Variants in ATRIP observed in about 807,000 individuals in gnomAD.
ATRIP encodes the protein ATR interacting protein, also known as ATR-interacting protein.
In ATRIP, 44 loss-of-function variants were observed where a neutral mutation model predicts 78.1. That is an observed-to-expected ratio of 0.56 (90% CI 0.44 to 0.72). ATRIP has a LOEUF of 0.72. ATRIP is among the 30% of genes least tolerant of loss of function. The pLI is 0.00. For missense variants in ATRIP, 927 were observed against 980.2 expected, an observed-to-expected ratio of 0.95 and a Z score of 0.72; for synonymous variants, 388 against 408.9, an observed-to-expected ratio of 0.95 and a Z score of 0.62.
chr3:48,452,320 C>T (rs1340239483), intron 3 of ATRIP, among the ~76,000 whole-genome samples: 1 of 152,090 alleles, frequency 6.6e-6, no homozygotes, highest in Non-Finnish European at 1.5e-5. Context: ...TATAAACAGG[C>T]TCTATACTTA....
chr3:48,459,736 C>T (rs899721473), intron 6 of ATRIP, 51 bp from the exon 7 acceptor site: 7 of 1,592,332 alleles, frequency 4.4e-6, no homozygotes, highest in Non-Finnish European at 3.4e-6. Flanking sequence ...TGAAAGCCAC[C>T]GAAAAGATCT....
In ATRIP at chr3:48,447,010, C is replaced by T; in HGVS notation, c.165C>T (p.Phe55=). The T allele has an allele frequency of 2.5e-6, 4 of 1,581,508 alleles. No homozygotes were observed. Among genetic ancestry groups the T allele is most frequent in the Non-Finnish European group, 2.6e-6 (3 of 1,166,752 alleles). Residue 55 remains phenylalanine (F), a synonymous_variant, in exon 1 of 13, where the codon TTC becomes TTT. Transcript: ENST00000320211. The stretch of plus-strand genomic sequence containing the variant: ...ACCCGTTCGGCGCGCATGGGGACTT[C>T]ACTGCCGACGACCTGGAGGAGCTTG... ...PDDPFGAHGD[F]TADDLEELDT...
intron 1 of ATRIP, among the ~76,000 whole-genome samples, chr3:48,447,911 T>TAC (rs1486310309): frequency 1.3e-5 from 2 of 152,234 alleles, no homozygotes; most frequent in Non-Finnish European, 2.9e-5. Context: ...TCCTTGACTC[T>TAC]ACATCTAATT....
chr3:48,460,554 G>T lies in ATRIP; in HGVS notation c.1500G>T (p.Val500=). The T allele has an allele frequency of 1.2e-6, 2 of 1,614,194 alleles. No homozygotes were observed. Among genetic ancestry groups the T allele is most frequent in the Admixed American group, 1.7e-5 (1 of 60,018 alleles). Residue 500 remains valine, a synonymous_variant, in exon 8 of 13, where the codon GTG becomes GTT. Coordinates refer to ENST00000320211, the MANE Select transcript of ATRIP (RefSeq NM_130384.3). ...GAVVSLLLSG[V]GADSAAGEGN... ...TCGTCTCCCTATTACTGTCAGGAGTGGGGGCAGATTCTGCTGCTGGGGAAG... is the reference window on the plus strand; with the variant it reads ...TCGTCTCCCTATTACTGTCAGGAGTTGGGGCAGATTCTGCTGCTGGGGAAG...
Position 48,446,769 on chromosome 3 carries a change from C to A in ATRIP, c.-77C>A. On this transcript the variant is annotated 5_prime_UTR_variant, in exon 1 of 13. Transcript: ENST00000320211. ...GCGGAGGCAAGCGGCGGCGCGCGGA[C>A]GGTTGGTCCAGTTCTCCGGCCTGGC... is the stretch of plus-strand genomic sequence containing the variant. The A allele has an allele frequency of 7.5e-7, 1 of 1,331,572 alleles. No homozygotes were observed. The highest frequency in any genetic ancestry group is 2.9e-5 in the East Asian group (1 of 34,940). The allele number at this position is 1,331,572 out of a possible 1,614,324, so 82.5% of individuals were successfully genotyped here.
At chr3:48,452,254 G>T (rs574707870) in intron 3 of ATRIP, among the ~76,000 whole-genome samples, 1 of 152,328 alleles carries the variant, frequency 6.6e-6, no homozygotes, top group East Asian at 1.9e-4. Flanking sequence ...AAGAACCGGG[G>T]TATGCTGGGA....
chr3:48,449,770 CAAA>C (rs779657943), intron 1 of ATRIP, among the ~76,000 whole-genome samples: 2 of 43,314 alleles, frequency 4.6e-5, no homozygotes, highest in African/African-American at 7.7e-5. Flanking sequence ...TACTAAAATC[CAAA>C]AAAAAAAAAA....
At chr3:48,463,377 CCTT>C (rs758678024) in intron 8 of ATRIP, among the ~76,000 whole-genome samples, 2 of 152,094 alleles carry the variant, frequency 1.3e-5, no homozygotes, top group South Asian at 2.1e-4. Flanking sequence ...CCTGGTCAGT[CCTT>C]CTGTGGGCAC....
chr3:48,465,103 T>A lies in ATRIP; in HGVS notation c.2308+20T>A. ...GTGAAGGTAAGCCTGCCAGAGGCCA[T>A]CCTGCCCAGCCCCCATGGCTTCTTC... On this transcript the variant is annotated intron_variant, in intron 12 of 12. Transcript: ENST00000320211. 6.3e-7 allele frequency: 1 copy of A among 1,596,098 alleles called. No homozygotes were observed. Among genetic ancestry groups the A allele is most frequent in the East Asian group, 2.2e-5 (1 of 44,506 alleles).
chr3:48,463,727 TG>T lies in ATRIP; in HGVS notation c.1746-15del. ...GGGGTTGGGGAGTGTCACGTCTCTC[TG>T]GGTCCCTGTCTTTTAGGTTCCAGTG... On this transcript the variant is annotated splice_polypyrimidine_tract_variant and intron_variant, in intron 8 of 12. Coordinates refer to ENST00000320211, the MANE Select transcript of ATRIP (RefSeq NM_130384.3). The T allele has an allele frequency of 6.2e-7, 1 of 1,614,010 alleles. No homozygotes were observed. Among genetic ancestry groups the T allele is most frequent in the East Asian group, 2.2e-5 (1 of 44,882 alleles).
Position 48,460,391 on chromosome 3 carries a change from C to T in ATRIP, c.1337C>T (p.Pro446Leu). ...GCAGCTGCTAAGAGAAGCGGAGCACCTGGGGACTCACCGACACATTCCTCC... is the reference window on the plus strand; with the variant it reads ...GCAGCTGCTAAGAGAAGCGGAGCACTTGGGGACTCACCGACACATTCCTCC... ...DLAAAKRSGA[P>L]GDSPTHSSCV... Residue 446 changes from proline (P) to leucine (L), a missense_variant, in exon 8 of 13, where the codon CCT (proline) becomes CTT (leucine). By Grantham distance (98) the Pro-to-Leu change is moderately conservative. Coordinates refer to ENST00000320211, the MANE Select transcript of ATRIP (RefSeq NM_130384.3). 1 of 1,613,648 alleles carries T rather than the reference C, an allele frequency of 6.2e-7. No homozygotes were observed. The highest frequency in any genetic ancestry group is 1.1e-5 in the South Asian group (1 of 90,994).
In ATRIP at chr3:48,454,327, T is replaced by G; in HGVS notation, c.580T>G (p.Phe194Val). 1.2e-6 allele frequency: 2 copies of G among 1,613,238 alleles called. No individual in the cohort carries two copies. Among genetic ancestry groups the G allele is most frequent in the Non-Finnish European group, 1.7e-6 (2 of 1,179,320 alleles). ...CCAATCATTGCAGTCTGAACTCCAGTTTAAAGATGCAGAGATGAATGAATT... is the reference window on the plus strand; with the variant it reads ...CCAATCATTGCAGTCTGAACTCCAGGTTAAAGATGCAGAGATGAATGAATT... ...KLQSLQSELQ[F>V]KDAEMNELRT... Residue 194 changes from phenylalanine to valine, a missense_variant, in exon 4 of 13, where the codon TTT becomes GTT. Coordinates refer to ENST00000320211, the MANE Select transcript of ATRIP (RefSeq NM_130384.3).
intron 2 of ATRIP, 137 bp downstream of exon 2, chr3:48,450,307 GAAA>G: frequency 8.1e-7 from 1 of 1,241,008 alleles, no homozygotes; most frequent in Non-Finnish European, 1.1e-6. Context: ...ACTAGGGAAA[GAAA>G]ACCAGAAAGT....
rs919595330 is a variant in ATRIP, at chr3:48,466,026, G to A, written c.*472G>A. 3 of 318,556 alleles carry A rather than the reference G, an allele frequency of 9.4e-6. No individual in the cohort carries two copies. The highest frequency in any genetic ancestry group is 1.8e-5 in the Non-Finnish European group (3 of 163,380). The allele number at this position is 318,556 out of a possible 1,614,324, so 19.7% of individuals were successfully genotyped here. On this transcript the variant is annotated 3_prime_UTR_variant, in exon 13 of 13. Transcript: ENST00000320211. Reference sequence around the variant, plus strand: ...CACCACTGCCCTGGTCCTTCCAGCTGCCTGTCACTGGTATGATGGCCCCGG... The same window carrying A: ...CACCACTGCCCTGGTCCTTCCAGCTACCTGTCACTGGTATGATGGCCCCGG...
Position 48,460,679 on chromosome 3 carries a change from T to A in ATRIP, c.1625T>A (p.Leu542His), listed in dbSNP as rs956931447. 6.2e-7 allele frequency: 1 copy of A among 1,614,164 alleles called. No homozygotes were observed. ...DQGQHPLLKM[L>H]LHLLAFSSAA... The stretch of plus-strand genomic sequence containing the variant: ...GGACAGCACCCACTGTTGAAGATGC[T>A]TCTTCACCTGTTGGCTTTCTCTTCT... The change falls in exon 8 of 13, where the codon CTT becomes CAT. Residue 542 changes from leucine to histidine, a missense_variant. Coordinates refer to ENST00000320211, the MANE Select transcript of ATRIP (RefSeq NM_130384.3).
intron 5 of ATRIP, among the ~76,000 whole-genome samples, chr3:48,458,432 C>T (rs1292709379): frequency 1.3e-5 from 2 of 151,964 alleles, no homozygotes; most frequent in Non-Finnish European, 2.9e-5. Flanking sequence ...AAGCGATTCT[C>T]CTGCCTCAGC....
At chr3:48,449,270 C>T (rs980995236) in intron 1 of ATRIP, among the ~76,000 whole-genome samples, 1 of 151,736 alleles carries the variant, frequency 6.6e-6, no homozygotes, top group Non-Finnish European at 1.5e-5. Context: ...AAAAATTAGC[C>T]GGGCGTGGTA....
intron 5 of ATRIP, among the ~76,000 whole-genome samples, chr3:48,457,947 A>T (rs1042195861): frequency 1.1e-4 from 16 of 152,062 alleles, no homozygotes; most frequent in Non-Finnish European, 1.8e-4. Flanking sequence ...GTATGTATAC[A>T]TGTGCCATGT....
At chr3:48,451,224 T>C (rs2107196434) in intron 2 of ATRIP, among the ~76,000 whole-genome samples, 1 of 149,940 alleles carries the variant, frequency 6.7e-6, no homozygotes, top group South Asian at 2.1e-4. Context: ...GCAAGGTGGC[T>C]CATGCCTGTA....
Sources: allele counts gnomAD v4.1 joint callset (sites outside exome capture counted in the v4.1 genomes callset), GRCh38; gene constraint gnomAD v4.1.1; transcripts MANE v1.5; gene names NCBI Gene and HGNC (gene_info 2026-07-23, HGNC 2026-07-21).